GAPVD1: variants seen among roughly 807,000 people sequenced by gnomAD.
The protein encoded by GAPVD1 is GTPase-activating protein and VPS9 domain-containing protein 1.
A neutral mutation model predicts 155.5 loss-of-function variants in GAPVD1; 35 were observed. That is an observed-to-expected ratio of 0.23 (90% CI 0.17 to 0.30). The LOEUF is 0.30. Ranked by LOEUF, GAPVD1 falls within the 10% of genes least tolerant of loss-of-function variation. The pLI, the probability that GAPVD1 is intolerant of heterozygous loss-of-function variation, is 1.00. For missense variants in GAPVD1, 1,429 were observed against 1,775.7 expected, an observed-to-expected ratio of 0.80 and a Z score of 3.51; for synonymous variants, 636 against 619.7, an observed-to-expected ratio of 1.03 and a Z score of -0.39.
chr9:125,324,447 A>G (rs897866889), intron 11 of GAPVD1, among the ~76,000 whole-genome samples: 7 of 152,072 alleles, frequency 4.6e-5, no homozygotes, highest in Non-Finnish European at 8.8e-5. Flanking sequence ...AAAATTAGCC[A>G]GGGTGGTGGC....
chr9:125,286,941 G>A (rs1837798980), intron 2 of GAPVD1, among the ~76,000 whole-genome samples: 1 of 152,084 alleles, frequency 6.6e-6, no homozygotes, highest in South Asian at 2.1e-4. Context: ...AAAATTAGCT[G>A]GACGTGGTCG....
chr9:125,321,525 T>C lies in GAPVD1; in HGVS notation c.1695T>C (p.Phe565=). The C allele has an allele frequency of 6.2e-7, 1 of 1,613,632 alleles. No individual in the cohort carries two copies. The highest frequency in any genetic ancestry group is 8.5e-7 in the Non-Finnish European group (1 of 1,179,626). ...LHGKPDKTLR[F]SLCSDNLEGI... Reference sequence around the variant, plus strand: ...GTAAACCTGATAAAACCTTGCGCTTTTCCCTCTGCAGTGATAATCTGGAAG... The same window carrying C: ...GTAAACCTGATAAAACCTTGCGCTTCTCCCTCTGCAGTGATAATCTGGAAG... The change falls in exon 10 of 28, where the codon TTT becomes TTC. Residue 565 remains phenylalanine, a synonymous_variant. Transcript: ENST00000297933.
At chr9:125,319,565 A>G (rs1228705111) in intron 9 of GAPVD1, among the ~76,000 whole-genome samples, 1 of 136,488 alleles carries the variant, frequency 7.3e-6, no homozygotes, top group Admixed American at 7.5e-5. Flanking sequence ...CGCCTGGCCT[A>G]TGTCTATTAA....
intron 15 of GAPVD1, chr9:125,335,344 A>G (rs1030422912): frequency 1.3e-5 from 7 of 522,652 alleles, no homozygotes; most frequent in Non-Finnish European, 2.4e-5. Context: ...ATTTATTTTT[A>G]ATGCTTTTTT....
chr9:125,268,487 C>G (rs1223974210), intron 1 of GAPVD1, among the ~76,000 whole-genome samples: 2 of 148,292 alleles, frequency 1.3e-5, no homozygotes, highest in African/African-American at 5.0e-5. Context: ...ATAATTACCC[C>G]TAACATTGTT....
In GAPVD1 at chr9:125,365,774, G is replaced by C. The variant is rs1851439439; in HGVS notation, c.*3028G>C. ...ATGGCTCAGCCTCCCTGGTTGCTCAGATTACAAGTGTATGCCACCACACCC... is the reference window on the plus strand; with the variant it reads ...ATGGCTCAGCCTCCCTGGTTGCTCACATTACAAGTGTATGCCACCACACCC... On this transcript the variant is annotated 3_prime_UTR_variant, in exon 28 of 28. Coordinates refer to ENST00000297933, the MANE Select transcript of GAPVD1 (RefSeq NM_001282680.3). 2 of 152,144 alleles carry C rather than the reference G, an allele frequency of 1.3e-5. No individual in the cohort carries two copies. Among genetic ancestry groups the C allele is most frequent in the South Asian group, 4.1e-4 (2 of 4,824 alleles). The allele number at this position is 152,144 out of a possible 1,614,324, so 9.4% of individuals were successfully genotyped here. A position where few individuals can be genotyped will look rare whatever the true frequency, so the allele number is the denominator to read the frequency against.
chr9:125,307,268 C>CAAAAA, intron 6 of GAPVD1, 145 bp from the exon 7 acceptor site: 5 of 452,872 alleles, frequency 1.1e-5, no homozygotes, highest in African/African-American at 8.4e-5. Context: ...AACTTTGTCT[C>CAAAAA]AAAAAAAAAA....
chr9:125,307,740 G>C lies in GAPVD1; in HGVS notation c.1301G>C (p.Arg434Thr), dbSNP rs756502282. ...TCTGGAGATCAACTGAGAGAAGATAGAATGGCTCTTGACAATTTATTGGCA... is the reference window on the plus strand; with the variant it reads ...TCTGGAGATCAACTGAGAGAAGATACAATGGCTCTTGACAATTTATTGGCA... ...VMSGDQLRED[R>T]MALDNLLANL... Residue 434 changes from arginine (R) to threonine (T), a missense_variant, in exon 8 of 28, where the codon AGA becomes ACA. Around this residue, in one of 4 missense-constraint regions of GAPVD1, gnomAD observed 628 missense variants for 733.4 expected, o/e 0.86. Transcript: ENST00000297933. 1.9e-6 allele frequency: 3 copies of C among 1,614,108 alleles called. No homozygotes were observed. The South Asian group carries it at 3.3e-5, about 18-fold the overall frequency.
chr9:125,353,702 G>A (rs1482540464), intron 23 of GAPVD1, among the ~76,000 whole-genome samples: 1 of 152,160 alleles, frequency 6.6e-6, no homozygotes, highest in Non-Finnish European at 1.5e-5. Context: ...CAAGAGAAGA[G>A]AGCTTGTGCA....
chr9:125,339,184 C>CA (rs1254190327), intron 17 of GAPVD1, among the ~76,000 whole-genome samples: 1 of 152,202 alleles, frequency 6.6e-6, no homozygotes, highest in East Asian at 1.9e-4. Context: ...GATGGGGACT[C>CA]ACTGTGTTGC....
chr9:125,301,855 A>G, intron 4 of GAPVD1, 128 bp from the exon 5 acceptor site: 1 of 687,290 alleles, frequency 1.5e-6, no homozygotes, highest in Non-Finnish European at 2.3e-6. Flanking sequence ...AAAAAATTTT[A>G]GCAATTCAGA....
intron 17 of GAPVD1, among the ~76,000 whole-genome samples, chr9:125,339,478 G>A (rs1420802968): frequency 1.3e-5 from 2 of 152,196 alleles, no homozygotes; most frequent in African/African-American, 4.8e-5. Context: ...CTTTGTCCTA[G>A]TTAGCTCTTT....
At chr9:125,348,802 G>A (rs955678392) in intron 20 of GAPVD1, among the ~76,000 whole-genome samples, 13 of 152,132 alleles carry the variant, frequency 8.5e-5, no homozygotes, top group African/African-American at 2.2e-4. Flanking sequence ...GTGAGGCACC[G>A]CACCCAGCCG....
chr9:125,307,786 A>C lies in GAPVD1; in HGVS notation c.1347A>C (p.Pro449=), dbSNP rs1842086525. The part of the protein sequence containing the change: ...NLLANLPPAK[P]GKSSSLEMTP... Reference sequence around the variant, plus strand: ...TGGCAAACCTACCCCCGGCCAAGCCAGGAAAAAGTAGCAGTTTAGAAATGA... The same window carrying C: ...TGGCAAACCTACCCCCGGCCAAGCCCGGAAAAAGTAGCAGTTTAGAAATGA... The change falls in exon 8 of 28, where the codon CCA becomes CCC. Residue 449 remains proline (P), a synonymous_variant. Coordinates refer to ENST00000297933, the MANE Select transcript of GAPVD1 (RefSeq NM_001282680.3). 6.2e-7 allele frequency: 1 copy of C among 1,613,298 alleles called. No individual in the cohort carries two copies. Among genetic ancestry groups the C allele is most frequent in the African/African-American group, 1.3e-5 (1 of 74,918 alleles).
chr9:125,337,505 C>T lies in GAPVD1; in HGVS notation c.2791C>T (p.Pro931Ser), dbSNP rs62637637. The change falls in exon 17 of 28, where the codon CCA (proline) becomes TCA (serine). Residue 931 changes from proline (P) to serine (S), a missense_variant. Pro to Ser is a moderately conservative substitution (Grantham distance 74). Transcript: ENST00000297933. ...RPGNEERELP[P>S]AAAIGATSLV... ...AGGAAATGAAGAGCGAGAACTCCCTCCAGCTGCAGCCATTGGTGCTACTTC... is the reference window on the plus strand; with the variant it reads ...AGGAAATGAAGAGCGAGAACTCCCTTCAGCTGCAGCCATTGGTGCTACTTC... 9.4e-4 allele frequency: 1,521 copies of T among 1,614,160 alleles called. 21 individuals are homozygous for T. The African/African-American group carries it at 0.018, about 19-fold the overall frequency.
At chr9:125,324,334 T>C (rs1430555896) in intron 11 of GAPVD1, among the ~76,000 whole-genome samples, 1 of 152,126 alleles carries the variant, frequency 6.6e-6, no homozygotes, top group Non-Finnish European at 1.5e-5. Context: ...CTCACACCTG[T>C]AATCCCAGCA....
chr9:125,294,273 T>G (rs1013646870), intron 2 of GAPVD1, among the ~76,000 whole-genome samples: 11 of 151,054 alleles, frequency 7.3e-5, no homozygotes, highest in African/African-American at 2.7e-4. Flanking sequence ...ACTCCTGATC[T>G]CAAGTGATCC....
chr9:125,352,069 C>T (rs1225096217), intron 23 of GAPVD1, among the ~76,000 whole-genome samples: 1 of 152,200 alleles, frequency 6.6e-6, no homozygotes, highest in Admixed American at 6.5e-5. Flanking sequence ...GGCAGCTCCG[C>T]TCCTGTGGCT....
intron 9 of GAPVD1, among the ~76,000 whole-genome samples, chr9:125,319,181 TATAATA>T (rs201922569): frequency 1.9e-4 from 27 of 139,396 alleles, no homozygotes; most frequent in Middle Eastern, 3.4e-3. Context: ...GTCTCAAAAA[TATAATA>T]ATAATAATAA....
Sources: allele counts gnomAD v4.1 joint callset (sites outside exome capture counted in the v4.1 genomes callset), GRCh38; gene constraint gnomAD v4.1.1; regional missense constraint gnomAD v4.1.1; transcripts MANE v1.5; gene names NCBI Gene and HGNC (gene_info 2026-07-23, HGNC 2026-07-21).